Variants in ATOSB observed in about 807,000 individuals in gnomAD.
ATOSB encodes atos homolog protein B.
At chr9:35,107,108 G>A in the ATOSB span, among the ~76,000 whole-genome samples, 1 of 152,170 alleles carries the variant, frequency 6.6e-6, no homozygotes, top group Admixed American at 6.5e-5. Context: ...GATGATTTGA[G>A]CTCAGGAGTT....
the ATOSB span, chr9:35,111,145 C>G: frequency 6.5e-6 from 1 of 154,120 alleles, no homozygotes; most frequent in African/African-American, 2.4e-5. Flanking sequence ...TTCTTCTGGA[C>G]GATCCCTTAC....
At chr9:35,106,594 T>TG in the ATOSB span, 9 of 1,566,830 alleles carry the variant, frequency 5.7e-6, no homozygotes, top group South Asian at 2.3e-5. The surrounding 1 kb of genome is among the most constrained non-coding windows in gnomAD (Gnocchi z 4.6). Flanking sequence ...GGGGAGGCAC[T>TG]GGGGGGGCTC....
chr9:35,105,638 G>A, the ATOSB span: 1 of 1,591,934 alleles, frequency 6.3e-7, no homozygotes, highest in South Asian at 1.1e-5. The surrounding 1 kb of genome is among the most constrained non-coding windows in gnomAD (Gnocchi z 5.5). Context: ...CTTCAGGGAG[G>A]GGATACCTGG....
the ATOSB span, chr9:35,115,654 G>A: frequency 1.5e-5 from 2 of 137,192 alleles, no homozygotes; most frequent in African/African-American, 2.8e-5. Context: ...CCCCATAGAG[G>A]CCTCTGGAGA....
chr9:35,115,457 C>A, the ATOSB span, among the ~76,000 whole-genome samples: 2 of 151,966 alleles, frequency 1.3e-5, no homozygotes, highest in Admixed American at 1.3e-4. Context: ...AACCCCTTCC[C>A]CTAGATAGTG....
At chr9:35,110,973 G>C in the ATOSB span, 2 of 152,146 alleles carry the variant, frequency 1.3e-5, no homozygotes, top group Admixed American at 6.6e-5. Context: ...AGCTAGGGGG[G>C]CTGTTCCCAC....
the ATOSB span, chr9:35,108,536 C>A: frequency 8.1e-7 from 1 of 1,231,924 alleles, no homozygotes; most frequent in Non-Finnish European, 1.0e-6. Context: ...GAGAGGGTGA[C>A]AGGTTTAGCT....
the ATOSB span, chr9:35,106,747 G>A: frequency 9.3e-6 from 14 of 1,497,462 alleles, no homozygotes; most frequent in African/African-American, 1.4e-5. The surrounding 1 kb of genome is among the most constrained non-coding windows in gnomAD (Gnocchi z 4.6). Context: ...CTTCTGCCCT[G>A]GGGTCCCCTA....
At chr9:35,110,574 AG>A in the ATOSB span, 1 of 152,258 alleles carries the variant, frequency 6.6e-6, no homozygotes. Context: ...ACTGCAGGGG[AG>A]GGGGGCAGGG....
the ATOSB span, among the ~76,000 whole-genome samples, chr9:35,115,499 T>G: frequency 6.6e-6 from 1 of 151,352 alleles, no homozygotes; most frequent in Non-Finnish European, 1.5e-5. Context: ...CTACACTCCT[T>G]CTCCATTAAA....
At chr9:35,106,024 A>G in the ATOSB span, 20 of 1,610,948 alleles carry the variant, frequency 1.2e-5, no homozygotes, top group African/African-American at 1.3e-5. This position sits in a 1 kb window ranked among gnomAD's most constrained non-coding sequence, Gnocchi z 4.6. Context: ...AAGGCCAGGG[A>G]GCCATCAGTC....
chr9:35,108,206 G>T, the ATOSB span: 4 of 1,593,124 alleles, frequency 2.5e-6, no homozygotes, highest in Non-Finnish European at 3.4e-6. Flanking sequence ...CCCCCTGCCT[G>T]ACTGGAGGCT....
chr9:35,107,558 G>A, the ATOSB span: 1 of 1,593,684 alleles, frequency 6.3e-7, no homozygotes, highest in Non-Finnish European at 8.5e-7. Context: ...TTCGCTTGGT[G>A]GGGCAGGGGC....
At chr9:35,105,139 C>T in the ATOSB span, 16 of 1,441,078 alleles carry the variant, frequency 1.1e-5, no homozygotes, top group Admixed American at 2.3e-5. The surrounding 1 kb of genome is among the most constrained non-coding windows in gnomAD (Gnocchi z 5.5). Context: ...TGAAGGGTCT[C>T]TTGCTGTCTC....
chr9:35,104,998 C>T, the ATOSB span: 6 of 425,458 alleles, frequency 1.4e-5, no homozygotes, highest in Non-Finnish European at 2.5e-5. Flanking sequence ...CTAAGCTGGC[C>T]TGGGAAACCC....
the ATOSB span, chr9:35,107,983 T>C: frequency 6.3e-7 from 1 of 1,596,386 alleles, no homozygotes; most frequent in Non-Finnish European, 8.5e-7. Flanking sequence ...AGCCCCACAG[T>C]AGATGGTTCT....
chr9:35,106,432 C>T, the ATOSB span: 7 of 1,614,078 alleles, frequency 4.3e-6, no homozygotes, highest in South Asian at 6.6e-5. This position sits in a 1 kb window ranked among gnomAD's most constrained non-coding sequence, Gnocchi z 4.6. Flanking sequence ...GTAGGGAAAA[C>T]ACATGAAGAG....
chr9:35,115,108 T>C, the ATOSB span, among the ~76,000 whole-genome samples: 1 of 150,792 alleles, frequency 6.6e-6, no homozygotes, highest in Non-Finnish European at 1.5e-5. Flanking sequence ...GGATGGGGGG[T>C]TGACAGGAAC....
the ATOSB span, among the ~76,000 whole-genome samples, chr9:35,115,382 T>C: frequency 1.3e-5 from 2 of 152,160 alleles, no homozygotes; most frequent in African/African-American, 4.8e-5. Context: ...GTTACTACAA[T>C]GCCCTAAACT....
Sources: gnomAD v4.1 joint callset for allele counts (sites outside exome capture counted in the v4.1 genomes callset) on GRCh38, gnomAD v4.1.1 for gene constraint, Gnocchi (gnomAD v3.1) non-coding constraint, MANE v1.5 for transcripts, NCBI Gene and HGNC (gene_info 2026-07-23, HGNC 2026-07-21) for gene names.